WDR20: variants seen among roughly 807,000 people sequenced by gnomAD.
The protein encoded by WDR20 is WD repeat domain 20, also known as WD repeat-containing protein 20.
A neutral mutation model predicts 38.7 loss-of-function variants in WDR20; 3 were observed. The ratio of observed to expected loss-of-function variants is 0.08; its 90% CI spans 0.04 to 0.20. The LOEUF is 0.20. Among genes scored for constraint, WDR20 ranks in the 10% least tolerant of loss-of-function variants. WDR20 has a pLI of 1.00. For missense variants in WDR20, 559 were observed against 727.7 expected (o/e 0.77, Z 2.67); for synonymous variants, 298 against 285.6 (o/e 1.04, Z -0.44).
At chr14:102,158,351 G>A (rs992220391) in intron 1 of WDR20, among the ~76,000 whole-genome samples, 3 of 152,032 alleles carry the variant, frequency 2.0e-5, no homozygotes, top group Admixed American at 6.6e-5. Context: ...AGGCTGGAGT[G>A]CAATGGCGTG....
chr14:102,204,251 G>A (rs1307376799), intron 2 of WDR20, among the ~76,000 whole-genome samples: 1 of 152,124 alleles, frequency 6.6e-6, no homozygotes, highest in Non-Finnish European at 1.5e-5. Context: ...TCTCTGTGGG[G>A]GTACACTTCC....
chr14:102,176,755 A>G (rs1179605173), intron 1 of WDR20, among the ~76,000 whole-genome samples: 1 of 151,324 alleles, frequency 6.6e-6, no homozygotes, highest in Admixed American at 6.6e-5. Context: ...TTTTTTTGAA[A>G]CGGAGTCTTG....
intron 1 of WDR20, among the ~76,000 whole-genome samples, chr14:102,148,210 T>G (rs2054364490): frequency 6.6e-6 from 1 of 152,192 alleles, no homozygotes; most frequent in African/African-American, 2.4e-5. Flanking sequence ...ACATTTCTAA[T>G]TGGTAGACTT....
Position 102,139,939 on chromosome 14 carries a change from G to C in WDR20, c.16G>C (p.Gly6Arg). 6.2e-7 allele frequency: 1 copy of C among 1,613,144 alleles called. No homozygotes were observed. The highest frequency in any genetic ancestry group is 8.5e-7 in the Non-Finnish European group (1 of 1,179,098). Residue 6 changes from glycine to arginine, a missense_variant, in exon 1 of 3, where the codon GGA (glycine) becomes CGA (arginine). By Grantham distance (125) the Gly-to-Arg change is moderately radical. Coordinates refer to ENST00000342702, the MANE Select transcript of WDR20 (RefSeq NM_144574.4). ...GCTTTCCAAGATGGCGACGGAGGGAGGAGGGAAGGAGATGAACGAGATTAA... is the reference window on the plus strand; with the variant it reads ...GCTTTCCAAGATGGCGACGGAGGGACGAGGGAAGGAGATGAACGAGATTAA... MATEG[G>R]GKEMNEIKTQ...
intron 1 of WDR20, among the ~76,000 whole-genome samples, chr14:102,173,046 A>T (rs372192005): frequency 0.012 from 1,855 of 150,762 alleles, 50 homozygotes; most frequent in Middle Eastern, 0.041. Context: ...CACTTCCTAG[A>T]TGGGATGGCA....
chr14:102,142,435 C>T (rs1481910845), intron 1 of WDR20, among the ~76,000 whole-genome samples: 1 of 152,048 alleles, frequency 6.6e-6, no homozygotes, highest in African/African-American at 2.4e-5. Flanking sequence ...ATATTTTTGA[C>T]AGTTGGCTAT....
intron 2 of WDR20, among the ~76,000 whole-genome samples, chr14:102,202,537 G>C (rs1360901656): frequency 6.6e-6 from 1 of 151,702 alleles, no homozygotes; most frequent in Admixed American, 6.6e-5. Flanking sequence ...CCGCCACCAT[G>C]CCCAGCTAAT....
At chr14:102,161,970 A>G (rs2058842788) in intron 1 of WDR20, among the ~76,000 whole-genome samples, 1 of 152,186 alleles carries the variant, frequency 6.6e-6, no homozygotes, top group Non-Finnish European at 1.5e-5. Context: ...GGAAATACGC[A>G]CTGGTTAACC....
At chr14:102,139,811 G>A, upstream of WDR20, 1 of 1,483,968 alleles carries the variant, frequency 6.7e-7, no homozygotes, top group Non-Finnish European at 9.2e-7. Flanking sequence ...CCCGCGGGTG[G>A]GAGGGGCGAG....
intron 1 of WDR20, among the ~76,000 whole-genome samples, chr14:102,162,319 C>A (rs948144797): frequency 3.3e-5 from 5 of 152,146 alleles, no homozygotes; most frequent in Non-Finnish European, 1.5e-5. Context: ...TTTGCCCTTG[C>A]TGTTTGACTA....
intron 1 of WDR20, among the ~76,000 whole-genome samples, chr14:102,157,671 A>T (rs922720500): frequency 4.6e-5 from 7 of 152,064 alleles, no homozygotes; most frequent in Admixed American, 3.3e-4. Flanking sequence ...TTGAATTCAG[A>T]TGGTGGGTCA....
At chr14:102,198,233 A>G (rs936062980) in intron 2 of WDR20, 10 of 260,698 alleles carry the variant, frequency 3.8e-5, no homozygotes, top group Middle Eastern at 1.4e-3. Flanking sequence ...GGTTCAAGCT[A>G]TTCTTGTGCC....
downstream of WDR20, chr14:102,214,514 A>G: frequency 3.0e-6 from 3 of 985,318 alleles, no homozygotes; most frequent in Non-Finnish European, 3.6e-6. Flanking sequence ...TTCTTTATTC[A>G]TTTCCGCATC....
chr14:102,222,697 G>A lies in WDR20; in HGVS notation c.1693-133G>A. ...TAGGAATTAAATAGATGAAGTGGAG[G>A]GTTTGCTCCCACACTGGCTTCCACA... On this transcript the variant is annotated intron_variant, in intron 3 of 3. Transcript: ENST00000335263. The surrounding 1 kb of genome is among the most constrained non-coding windows in gnomAD (Gnocchi z 4.4). 1 of 846,912 alleles carries A rather than the reference G, an allele frequency of 1.2e-6. No individual in the cohort carries two copies. Among genetic ancestry groups the A allele is most frequent in the East Asian group, 2.5e-5 (1 of 39,482 alleles). The allele number at this position is 846,912 out of a possible 1,614,324, so 52.5% of individuals were successfully genotyped here.
At chr14:102,161,142 A>ATATATATATATATATATATTTTTTTTTT (rs1342924049) in intron 1 of WDR20, among the ~76,000 whole-genome samples, 1 of 16,032 alleles carries the variant, frequency 6.2e-5, no homozygotes, top group African/African-American at 3.2e-4. Flanking sequence ...ATATATATAT[A>ATATATATATATATATATATTTTTTTTTT]TTTTTTTTTT....
At chr14:102,216,936 GA>G (rs1340304788), downstream of WDR20, among the ~76,000 whole-genome samples, 1 of 151,804 alleles carries the variant, frequency 6.6e-6, no homozygotes, top group South Asian at 2.1e-4. Context: ...CTGTCTTAAA[GA>G]AAAAAAATAG....
At chr14:102,156,269 G>C (rs893933566) in intron 1 of WDR20, among the ~76,000 whole-genome samples, 3 of 151,114 alleles carry the variant, frequency 2.0e-5, no homozygotes, top group African/African-American at 7.3e-5. Context: ...CCGGGTTCAC[G>C]CCATTCTCCT....
chr14:102,171,167 G>C (rs1396532268), intron 1 of WDR20, among the ~76,000 whole-genome samples: 1 of 151,084 alleles, frequency 6.6e-6, no homozygotes, highest in East Asian at 1.9e-4. Flanking sequence ...GGTCAGGCTG[G>C]TCTCAAACTC....
At chr14:102,179,796 C>T (rs377753673) in intron 1 of WDR20, among the ~76,000 whole-genome samples, 3 of 152,072 alleles carry the variant, frequency 2.0e-5, no homozygotes, top group South Asian at 2.1e-4. Flanking sequence ...CTTATTTCCA[C>T]GCTAACTCAC....
Sources: allele counts gnomAD v4.1 joint callset (sites outside exome capture counted in the v4.1 genomes callset), GRCh38; gene constraint gnomAD v4.1.1; non-coding constraint Gnocchi (gnomAD v3.1); transcripts MANE v1.5; gene names NCBI Gene and HGNC (gene_info 2026-07-23, HGNC 2026-07-21).